Variants in CCNB1IP1 observed in about 807,000 individuals in gnomAD.
CCNB1IP1 encodes the protein E3 ubiquitin-protein ligase CCNB1IP1.
CCNB1IP1 carries 14 observed loss-of-function variants against 25.6 expected under a neutral mutation model. The ratio of observed to expected loss-of-function variants is 0.55; its 90% CI spans 0.36 to 0.85. CCNB1IP1 has a LOEUF of 0.85. Among genes scored for constraint, CCNB1IP1 ranks in the 40% least tolerant of loss-of-function variants. The pLI is 0.01. For synonymous variants in CCNB1IP1, 119 were observed against 116.1 expected, an observed-to-expected ratio of 1.02 and a Z score of -0.16; for missense variants, 278 against 342.4, an observed-to-expected ratio of 0.81 and a Z score of 1.48.
chr14:20,311,817 G>C, intron 6 of CCNB1IP1, 65 bp from the exon 7 acceptor site: 2 of 1,010,554 alleles, frequency 2.0e-6, no homozygotes. Flanking sequence ...CTACTTCAGA[G>C]GAATCATCAA....
rs117791493 is a variant in CCNB1IP1, at chr14:20,321,994, A to C, written c.-38+3545T>G. ...TTGAGAATATTTCAACATGAAGCAG[A>C]AATGAGTTTTTAACCATACCTGAAT... On this transcript the variant is annotated intron_variant, in intron 4 of 6. Coordinates refer to ENST00000358932, the MANE Select transcript of CCNB1IP1 (RefSeq NM_021178.5). Among the ~76,000 whole-genome samples the C allele has an allele frequency of 1.9e-3, 291 of 152,372 alleles. 2 individuals carry two copies. Among genetic ancestry groups the C allele is most frequent in the Non-Finnish European group, 3.6e-3 (248 of 68,040 alleles).
At chr14:20,312,899 G>C (rs1882546330) in intron 6 of CCNB1IP1, among the ~76,000 whole-genome samples, 1 of 152,012 alleles carries the variant, frequency 6.6e-6, no homozygotes, top group Non-Finnish European at 1.5e-5. Context: ...TTAGACAAAA[G>C]AACAAAACAA....
chr14:20,315,813 G>A (rs1594275515), intron 5 of CCNB1IP1: 1 of 1,233,684 alleles, frequency 8.1e-7, no homozygotes, highest in Non-Finnish European at 1.1e-6. Flanking sequence ...GGAGGCTGAG[G>A]CGGGAGAATG....
chr14:20,313,584 T>A lies in CCNB1IP1; in HGVS notation c.515A>T (p.Gln172Leu). ...EKLMERNRQY[Q>L]KLQGLYDSLR... ...GCTATCATAGAGGCCTTGGAGCTTT[T>A]GATACTGACGATTGCGCTCCATAAG... Residue 172 changes from glutamine (Q) to leucine (L), a missense_variant, in exon 6 of 7, where the codon CAA becomes CTA. Transcript: ENST00000358932. The A allele has an allele frequency of 6.2e-7, 1 of 1,614,226 alleles. No individual in the cohort carries two copies. The highest frequency in any genetic ancestry group is 8.5e-7 in the Non-Finnish European group (1 of 1,180,034).
rs1424721300 is a variant in CCNB1IP1 at position 20,326,791 on chromosome 14, T to C, written c.-228A>G. Reference sequence around the variant, plus strand: ...AGGATCTATCAATTATCTAGGATCATTTCTGGAAAATTTAAAAAACATAAA... The same window carrying C: ...AGGATCTATCAATTATCTAGGATCACTTCTGGAAAATTTAAAAAACATAAA... On this transcript the variant is annotated splice_region_variant and 5_prime_UTR_variant, in exon 3 of 7. It removes an upstream start codon present in the reference 5' UTR. Transcript: ENST00000358932. The C allele has an allele frequency of 3.9e-6, 1 of 257,726 alleles. No homozygotes were observed. The highest frequency in any genetic ancestry group is 2.2e-5 in the African/African-American group (1 of 45,006). 16.0% of individuals were successfully genotyped at this position (257,726 alleles called of 1,614,324 possible).
chr14:20,319,829 A>G (rs1882835400), intron 4 of CCNB1IP1, among the ~76,000 whole-genome samples: 1 of 152,236 alleles, frequency 6.6e-6, no homozygotes, highest in Admixed American at 6.5e-5. Context: ...CCACTCTCCA[A>G]AGTAAAAGCA....
At chr14:20,321,136 CAAAAA>C (rs11357993) in intron 4 of CCNB1IP1, among the ~76,000 whole-genome samples, 1 of 138,166 alleles carries the variant, frequency 7.2e-6, no homozygotes, top group Non-Finnish European at 1.6e-5. Context: ...AACTCCGTCT[CAAAAA>C]AAAAAAAAGA....
chr14:20,325,265 C>CAA (rs531092028), intron 4 of CCNB1IP1, among the ~76,000 whole-genome samples: 6,770 of 150,996 alleles, frequency 0.045, 216 homozygotes, highest in Middle Eastern at 0.1. Context: ...ACTAAAAATA[C>CAA]AAAAAATTAG....
chr14:20,312,601 A>G (rs950696628), intron 6 of CCNB1IP1, among the ~76,000 whole-genome samples: 3 of 152,052 alleles, frequency 2.0e-5, no homozygotes, highest in African/African-American at 7.3e-5. Context: ...CCAGCACAAG[A>G]GGCTTCACTT....
At position 20,313,825 on chromosome 14, in the gene CCNB1IP1, T is replaced by C. The variant is rs112924572; in HGVS notation, c.298-24A>G. 9.3e-6 allele frequency: 14 copies of C among 1,500,644 alleles called. No individual in the cohort carries two copies. In the African/African-American group the frequency reaches 9.8e-5, roughly 10 times the overall value. 93.0% of individuals were successfully genotyped at this position (1,500,644 alleles called of 1,614,324 possible). A position where few individuals can be genotyped will look rare whatever the true frequency, so the allele number is the denominator to read the frequency against. ...ACCTGGTTCCAAAAGAAAAAAGATT[T>C]TTAAGGTATTGGGTACAAAGTTATA... On this transcript the variant is annotated intron_variant, in intron 5 of 6. Transcript: ENST00000358932.
At chr14:20,323,942 T>G (rs201300035) in intron 4 of CCNB1IP1, among the ~76,000 whole-genome samples, 10 of 123,966 alleles carry the variant, frequency 8.1e-5, no homozygotes, top group African/African-American at 2.5e-4. Flanking sequence ...AAAAAAAAAG[T>G]AAGAACTAGA....
chr14:20,328,740 G>T (rs1883153722), intron 2 of CCNB1IP1, among the ~76,000 whole-genome samples: 1 of 152,114 alleles, frequency 6.6e-6, no homozygotes. Context: ...ATAGCACAAA[G>T]CCTGGCACAT....
intron 5 of CCNB1IP1, among the ~76,000 whole-genome samples, chr14:20,315,136 CAAAAAAA>C (rs1159450735): frequency 6.6e-4 from 6 of 9,064 alleles, no homozygotes; most frequent in Non-Finnish European, 9.9e-4. Flanking sequence ...TACACCTCAC[CAAAAAAA>C]AAAAAAAAAA....
At chr14:20,323,147 T>C (rs1395937806) in intron 4 of CCNB1IP1, 1 of 152,164 alleles carries the variant, frequency 6.6e-6, no homozygotes, top group Non-Finnish European at 1.5e-5. Context: ...CACAGGTACA[T>C]TTTCTTAATC....
At chr14:20,321,680 T>C (rs2138859366) in intron 4 of CCNB1IP1, among the ~76,000 whole-genome samples, 1 of 152,258 alleles carries the variant, frequency 6.6e-6, no homozygotes, top group Non-Finnish European at 1.5e-5. Context: ...CTTGAACTCC[T>C]AGACCTCGTG....
intron 4 of CCNB1IP1, among the ~76,000 whole-genome samples, chr14:20,321,682 G>A (rs1882901416): frequency 6.6e-6 from 1 of 151,980 alleles, no homozygotes; most frequent in Non-Finnish European, 1.5e-5. Flanking sequence ...TGAACTCCTA[G>A]ACCTCGTGAT....
At chr14:20,330,071 T>G (rs1209493798) in intron 1 of CCNB1IP1, among the ~76,000 whole-genome samples, 1 of 150,256 alleles carries the variant, frequency 6.7e-6, no homozygotes, top group Non-Finnish European at 1.5e-5. Context: ...AGGCAAATAT[T>G]CTGCCTAAAA....
At chr14:20,324,143 G>A (rs545450013) in intron 4 of CCNB1IP1, among the ~76,000 whole-genome samples, 2 of 152,004 alleles carry the variant, frequency 1.3e-5, no homozygotes, top group Non-Finnish European at 2.9e-5. Context: ...GGTAATGAGG[G>A]GTAGTCTAAT....
intron 4 of CCNB1IP1, chr14:20,317,685 G>A (rs887726172): frequency 5.9e-5 from 9 of 152,210 alleles, no homozygotes; most frequent in African/African-American, 1.9e-4. Flanking sequence ...TGTACAAGCT[G>A]CGTGAGGGGC....
Sources: allele counts gnomAD v4.1 joint callset (sites outside exome capture counted in the v4.1 genomes callset), GRCh38; gene constraint gnomAD v4.1.1; transcripts MANE v1.5; gene names NCBI Gene and HGNC (gene_info 2026-07-23, HGNC 2026-07-21).